Variants in SRI observed in about 807,000 individuals in gnomAD.
The protein encoded by SRI is 22 kDa protein.
Under a neutral mutation model 33.3 loss-of-function variants are expected in SRI, and 30 were observed. That is an observed-to-expected ratio of 0.90 (90% confidence interval 0.67 to 1.22). The LOEUF (loss-of-function observed/expected upper bound fraction) is 1.22. SRI is among the 50% of genes most tolerant of loss of function. The pLI is 0.00. For missense variants in SRI, 243 were observed against 250.8 expected (o/e 0.97, Z 0.21); for synonymous variants, 75 against 89.9 (o/e 0.83, Z 0.94).
intron 1 of SRI, chr7:88,219,628 G>T: frequency 2.7e-6 from 1 of 375,546 alleles, no homozygotes; most frequent in Non-Finnish European, 4.8e-6. Context: ...TTGTTGCTCT[G>T]GGAGGCAACC....
upstream of SRI, among the ~76,000 whole-genome samples, chr7:88,221,785 C>T (rs1205674451): frequency 6.6e-6 from 1 of 150,792 alleles, no homozygotes; most frequent in African/African-American, 2.4e-5. Flanking sequence ...TGCGCTGCAC[C>T]CACTAACTCG....
chr7:88,217,137 C>G lies in SRI; in HGVS notation c.190G>C (p.Ala64Pro). The G allele has an allele frequency of 6.2e-7, 1 of 1,613,584 alleles. No homozygotes were observed. The highest frequency in any genetic ancestry group is 8.5e-7 in the Non-Finnish European group (1 of 1,180,012). Residue 64 changes from alanine to proline, a missense_variant, in exon 3 of 8, where the codon GCT becomes CCT. Ala to Pro is a conservative substitution (Grantham distance 27). Transcript: ENST00000265729. ...GTCAACTTACGTTTGTATCCTCCAG[C>G]AATGCCAGACTGTGTCAGACATCTC... ...LQRCLTQSGIAGGYKPFNLET... is the reference protein window; with the variant it reads ...LQRCLTQSGIPGGYKPFNLET...
chr7:88,215,242 T>C (rs937788618), intron 3 of SRI, among the ~76,000 whole-genome samples: 2 of 152,234 alleles, frequency 1.3e-5, no homozygotes, highest in African/African-American at 2.4e-5. Context: ...TTCAATCACA[T>C]AGGCCCCATG....
upstream of SRI, among the ~76,000 whole-genome samples, chr7:88,222,695 G>A (rs187892557): frequency 1.2e-4 from 18 of 152,132 alleles, no homozygotes; most frequent in Non-Finnish European, 1.9e-4. Flanking sequence ...AAATAACGCC[G>A]CATACCTACA....
upstream of SRI, among the ~76,000 whole-genome samples, chr7:88,220,316 C>T (rs553169197): frequency 1.8e-4 from 28 of 151,946 alleles, no homozygotes; most frequent in Admixed American, 3.3e-4. Flanking sequence ...CCCTCCAAAA[C>T]TAATGGCACA....
intron 3 of SRI, among the ~76,000 whole-genome samples, chr7:88,212,606 T>C (rs1471146727): frequency 6.6e-6 from 1 of 152,212 alleles, no homozygotes; most frequent in Non-Finnish European, 1.5e-5. Flanking sequence ...CTACTCAAAG[T>C]GTGATTCCTG....
intron 3 of SRI, among the ~76,000 whole-genome samples, chr7:88,211,211 G>T (rs1477351806): frequency 6.6e-6 from 1 of 152,126 alleles, no homozygotes; most frequent in Non-Finnish European, 1.5e-5. Flanking sequence ...CCAGCACTTT[G>T]GGGGGTGCCG....
chr7:88,209,501 A>G (rs766752180), intron 5 of SRI, 49 bp from the exon 6 acceptor site: 2 of 1,397,968 alleles, frequency 1.4e-6, no homozygotes, highest in Non-Finnish European at 2.0e-6. Context: ...GCAGAAGCTC[A>G]TTAAAAAATA....
intron 3 of SRI, among the ~76,000 whole-genome samples, chr7:88,213,217 A>G (rs557337310): frequency 3.3e-5 from 5 of 152,168 alleles, no homozygotes; most frequent in South Asian, 2.1e-4. Flanking sequence ...ATGTCCCCCA[A>G]TTTATTAGTC....
chr7:88,213,596 C>T (rs527457736), intron 3 of SRI, among the ~76,000 whole-genome samples: 1 of 151,068 alleles, frequency 6.6e-6, no homozygotes, highest in African/African-American at 2.5e-5. Context: ...ATTCCACAGC[C>T]TCTCTCTTAT....
Position 88,209,406 on chromosome 7 carries a change from G to C in SRI, c.444C>G (p.Tyr148Ter). ...CGAAGGTGATCTTTCCATTGGTGCT[G>C]TATCGTTTTGCAATTGAATTCACAG... ...PQAVNSIAKR[Y>*]STNGKITFDD... The change falls in exon 6 of 8, where the codon TAC (tyrosine) becomes TAG (stop). Residue 148 changes from tyrosine (Y) to a stop codon, truncating the protein, a stop_gained. Coordinates refer to ENST00000265729, the MANE Select transcript of SRI (RefSeq NM_003130.4). LOFTEE classifies it high-confidence loss of function. 6.2e-7 allele frequency: 1 copy of C among 1,614,072 alleles called. No individual in the cohort carries two copies. Among genetic ancestry groups the C allele is most frequent in the Non-Finnish European group, 8.5e-7 (1 of 1,179,950 alleles).
At position 88,205,590 on chromosome 7, in the gene SRI, T is replaced by C. The variant is rs1851423829; in HGVS notation, c.*888A>G. On this transcript the variant is annotated 3_prime_UTR_variant, in exon 8 of 8. Transcript: ENST00000265729. ...AAGGAAGAAGATGAACTCATGATCC[T>C]GACTCCCAGTGGTAGCCAGATCAAT... The C allele has an allele frequency of 6.6e-6, 1 of 152,234 alleles. No individual in the cohort carries two copies. Among genetic ancestry groups the C allele is most frequent in the South Asian group, 2.1e-4 (1 of 4,836 alleles). 9.4% of individuals were successfully genotyped at this position (152,234 alleles called of 1,614,324 possible).
intron 4 of SRI, 35 bp from the exon 5 acceptor site, chr7:88,210,165 C>A (rs749743351): frequency 9.3e-6 from 15 of 1,611,714 alleles, no homozygotes; most frequent in African/African-American, 1.3e-5. Flanking sequence ...CTGTATTTTG[C>A]GATATTTTCT....
intron 4 of SRI, chr7:88,210,439 G>C: frequency 2.4e-6 from 1 of 425,020 alleles, no homozygotes; most frequent in Non-Finnish European, 4.4e-6. Flanking sequence ...GGGTGCTTCA[G>C]GCTATGCTGT....
In SRI at chr7:88,205,364, A is replaced by G. The variant is rs1851418017; in HGVS notation, c.*1114T>C. 1 of 152,240 alleles carries G rather than the reference A, an allele frequency of 6.6e-6. No homozygotes were observed. The highest frequency in any genetic ancestry group is 6.5e-5 in the Admixed American group (1 of 15,284). 9.4% of individuals were successfully genotyped at this position (152,240 alleles called of 1,614,324 possible). On this transcript the variant is annotated 3_prime_UTR_variant, in exon 8 of 8. Coordinates refer to ENST00000265729, the MANE Select transcript of SRI (RefSeq NM_003130.4). ...TCATATTCAGAACTACTCCCAAGAG[A>G]TAACATATTATCTCCTTTTCAAAGA... is the stretch of plus-strand genomic sequence containing the variant.
chr7:88,211,241 G>A (rs1207780728), intron 3 of SRI, among the ~76,000 whole-genome samples: 9 of 152,152 alleles, frequency 5.9e-5, no homozygotes, highest in Non-Finnish European at 1.2e-4. Flanking sequence ...GATCACCTGA[G>A]GTCAGGAGTT....
At chr7:88,220,295 G>T (rs1356363670), upstream of SRI, among the ~76,000 whole-genome samples, 1 of 152,170 alleles carries the variant, frequency 6.6e-6, no homozygotes, top group African/African-American at 2.4e-5. Flanking sequence ...ATTCACACCA[G>T]GGACTTTCCT....
chr7:88,206,336 T>C lies in SRI; in HGVS notation c.*142A>G. 1.0e-6 allele frequency: 1 copy of C among 965,556 alleles called. No individual in the cohort carries two copies. The highest frequency in any genetic ancestry group is 2.4e-5 in the East Asian group (1 of 41,054). 59.8% of individuals were successfully genotyped at this position (965,556 alleles called of 1,614,324 possible). On this transcript the variant is annotated 3_prime_UTR_variant, in exon 8 of 8. Transcript: ENST00000265729. Reference sequence around the variant, plus strand: ...ATCAAAACTAAAACAAAACTTCAGTTGTACATAAAGTAATAAACTTTACAA... The same window carrying C: ...ATCAAAACTAAAACAAAACTTCAGTCGTACATAAAGTAATAAACTTTACAA...
chr7:88,205,202 A>AGAT lies in SRI; in HGVS notation c.*1273_*1275dup. 1 of 152,390 alleles carries AGAT rather than the reference A, an allele frequency of 6.6e-6. No individual in the cohort carries two copies. Among genetic ancestry groups the AGAT allele is most frequent in the African/African-American group, 2.4e-5 (1 of 41,598 alleles). The allele number at this position is 152,390 out of a possible 1,614,324, so 9.4% of individuals were successfully genotyped here. ...TTCACACTGCATCCTAAAATAAGAC[A>AGAT]GATACTCTGCTGGCAAGTAGAAAAT... is the stretch of plus-strand genomic sequence containing the variant. On this transcript the variant is annotated 3_prime_UTR_variant, in exon 8 of 8. Transcript: ENST00000265729.
Sources: gnomAD v4.1 joint callset for allele counts (sites outside exome capture counted in the v4.1 genomes callset) on GRCh38, gnomAD v4.1.1 for gene constraint, MANE v1.5 for transcripts, NCBI Gene and HGNC (gene_info 2026-07-23, HGNC 2026-07-21) for gene names.